The following TRPM6 variants were observed in gnomAD, a reference collection of about 807,000 sequenced individuals.
TRPM6 encodes the protein transient receptor potential cation channel subfamily M member 6, also known as channel kinase 2.
A neutral mutation model predicts 247.6 loss-of-function variants in TRPM6; 111 were observed. The ratio of observed to expected loss-of-function variants is 0.45; its 90% CI spans 0.38 to 0.52. The LOEUF (loss-of-function observed/expected upper bound fraction) is 0.52, where lower values mean the gene tolerates loss of function less well. Ranked by LOEUF, TRPM6 falls within the 20% of genes least tolerant of loss-of-function variation. TRPM6 has a pLI of 0.00. For synonymous variants in TRPM6, 892 were observed against 853.8 expected, an observed-to-expected ratio of 1.04 and a Z score of -0.78; for missense variants, 2,126 against 2,421.5, an observed-to-expected ratio of 0.88 and a Z score of 2.56.
chr9:74,853,264 C>G (rs1830414743), intron 3 of TRPM6, among the ~76,000 whole-genome samples: 1 of 151,154 alleles, frequency 6.6e-6, no homozygotes, highest in Admixed American at 6.6e-5. Flanking sequence ...GCAGCCGCCC[C>G]GTCAGGGAAG....
At chr9:74,837,667 C>A (rs962817711) in intron 5 of TRPM6, among the ~76,000 whole-genome samples, 12 of 151,482 alleles carry the variant, frequency 7.9e-5, no homozygotes, top group Admixed American at 2.0e-4. Context: ...AGGTTGGTCT[C>A]GATCTCCTGA....
intron 19 of TRPM6, among the ~76,000 whole-genome samples, chr9:74,791,199 C>T (rs1564016167): frequency 6.6e-6 from 1 of 152,192 alleles, no homozygotes; most frequent in Non-Finnish European, 1.5e-5. Context: ...TGTTGTTGCG[C>T]ATTACAAAAA....
chr9:74,760,734 C>T (rs1826596699), intron 27 of TRPM6, among the ~76,000 whole-genome samples: 1 of 152,154 alleles, frequency 6.6e-6, no homozygotes, highest in South Asian at 2.1e-4. Flanking sequence ...TTCCAAAACT[C>T]ATGTTAAAAC....
rs1395515692 is a variant in TRPM6 at position 74,764,107 on chromosome 9, G to C, written c.3537-973C>G. 6.9e-5 allele frequency among the ~76,000 whole-genome samples: 10 copies of C among 145,646 alleles called. No homozygotes were observed. The Admixed American group carries it at 7.0e-4, about 10-fold the overall frequency. On this transcript the variant is annotated intron_variant, in intron 25 of 38. Coordinates refer to ENST00000360774, the MANE Select transcript of TRPM6 (RefSeq NM_017662.5). ...CCACTGCACTCCAGCCTGGGCGACA[G>C]AGTAAGACTCCATCTCAAAAAAAAA... is the stretch of plus-strand genomic sequence containing the variant.
At chr9:74,883,812 G>A (rs761322112) in intron 1 of TRPM6, among the ~76,000 whole-genome samples, 7 of 152,122 alleles carry the variant, frequency 4.6e-5, no homozygotes, top group East Asian at 1.9e-4. Flanking sequence ...CAAGACTAGC[G>A]TGGGCAACAT....
intron 27 of TRPM6, among the ~76,000 whole-genome samples, chr9:74,760,920 T>C (rs1434183408): frequency 5.9e-5 from 9 of 152,180 alleles, no homozygotes; most frequent in Admixed American, 5.9e-4. Context: ...TTTGGCTCTC[T>C]CAGGAGCCTC....
At chr9:74,746,910 A>G (rs1587464004) in intron 31 of TRPM6, among the ~76,000 whole-genome samples, 1 of 152,152 alleles carries the variant, frequency 6.6e-6, no homozygotes, top group East Asian at 1.9e-4. Flanking sequence ...AGGAGATTGT[A>G]AATGACTTAA....
At chr9:74,866,265 G>A (rs1054116384) in intron 1 of TRPM6, among the ~76,000 whole-genome samples, 23 of 152,194 alleles carry the variant, frequency 1.5e-4, no homozygotes, top group Non-Finnish European at 2.2e-4. Flanking sequence ...GTATAGCACA[G>A]CACAAAGAAG....
At chr9:74,755,272 G>A (rs1021499332) in intron 28 of TRPM6, 81 bp downstream of exon 28, 8 of 1,432,006 alleles carry the variant, frequency 5.6e-6, no homozygotes, top group Non-Finnish European at 7.8e-6. Flanking sequence ...AGAACAGGAG[G>A]AACCGCCAAT....
chr9:74,785,950 AAT>A lies in TRPM6; in HGVS notation c.2841_2842del (p.Phe948LeufsTer68). On this transcript the variant is annotated frameshift_variant, in exon 21 of 39. Coordinates refer to ENST00000360774, the MANE Select transcript of TRPM6 (RefSeq NM_017662.5). LOFTEE classifies it high-confidence loss of function. ...GAAGTCCAGGAGCCGTGAGAACCAG[AAT>A]ATGATGTCTATGCAGTAGATCAGTC... The A allele has an allele frequency of 6.2e-7, 1 of 1,614,246 alleles. No individual in the cohort carries two copies. Among genetic ancestry groups the A allele is most frequent in the Non-Finnish European group, 8.5e-7 (1 of 1,180,042 alleles).
intron 36 of TRPM6, among the ~76,000 whole-genome samples, chr9:74,734,629 C>A (rs1435877000): frequency 6.6e-6 from 1 of 152,090 alleles, no homozygotes; most frequent in African/African-American, 2.4e-5. Flanking sequence ...AGTGTCTGCC[C>A]CCTAGGAAGC....
rs140655518 is a variant in TRPM6 at position 74,733,663 on chromosome 9, G to C, written c.5777-927C>G. Among the ~76,000 whole-genome samples, 268 of 152,256 alleles carry C rather than the reference G, an allele frequency of 1.8e-3. 2 individuals carry two copies. Among genetic ancestry groups the C allele is most frequent in the African/African-American group, 6.2e-3 (257 of 41,554 alleles). ...CATACATGGTCAAAACAGGATTAAT[G>C]CTGAGCCAAAGTTTGTGTTCCTACT... is the stretch of plus-strand genomic sequence containing the variant. On this transcript the variant is annotated intron_variant, in intron 36 of 38. Coordinates refer to ENST00000360774, the MANE Select transcript of TRPM6 (RefSeq NM_017662.5).
intron 32 of TRPM6, 28 bp downstream of exon 32, chr9:74,744,067 G>A: frequency 1.9e-6 from 3 of 1,608,758 alleles, no homozygotes; most frequent in Non-Finnish European, 2.6e-6. Context: ...TAGCTCAGCT[G>A]ACATGTCTAT....
At chr9:74,828,474 T>C (rs1829428235) in intron 6 of TRPM6, among the ~76,000 whole-genome samples, 1 of 152,106 alleles carries the variant, frequency 6.6e-6, no homozygotes. Flanking sequence ...TATGAATAAC[T>C]AGTAGGCAGC....
chr9:74,865,659 C>T (rs1830824394), intron 1 of TRPM6, among the ~76,000 whole-genome samples: 1 of 152,212 alleles, frequency 6.6e-6, no homozygotes, highest in African/African-American at 2.4e-5. Context: ...TTCATTTATG[C>T]TCCAAATATC....
At position 74,762,499 on chromosome 9, in the gene TRPM6, G is replaced by T. The variant is rs1323458739; in HGVS notation, c.4172C>A (p.Thr1391Asn). ...TGATGCCCAGTCAGAGACAACTGGG[G>T]TCTGCCCAGTCAGATGAACAAGAAC... ...TEVLVHLTGQ[T>N]PVVSDWASVD... Residue 1391 changes from threonine (T) to asparagine (N), a missense_variant, in exon 26 of 39, where the codon ACC (threonine) becomes AAC (asparagine). Transcript: ENST00000360774. The T allele has an allele frequency of 6.2e-7, 1 of 1,614,148 alleles. No homozygotes were observed.
At chr9:74,727,307 G>A (rs934051205) in intron 38 of TRPM6, among the ~76,000 whole-genome samples, 9 of 151,204 alleles carry the variant, frequency 6.0e-5, no homozygotes, top group South Asian at 2.1e-4. Flanking sequence ...GCTTGAACCC[G>A]GTAGGCGGAG....
chr9:74,783,757 A>C (rs1244636765), intron 21 of TRPM6, among the ~76,000 whole-genome samples: 1 of 152,216 alleles, frequency 6.6e-6, no homozygotes, highest in Non-Finnish European at 1.5e-5. Flanking sequence ...CTGGTCTAAG[A>C]GAAAAATGTC....
chr9:74,788,609 C>A lies in TRPM6; in HGVS notation c.2667+5G>T. 2.5e-6 allele frequency: 4 copies of A among 1,613,886 alleles called. No individual in the cohort carries two copies. The highest frequency in any genetic ancestry group is 3.4e-6 in the Non-Finnish European group (4 of 1,179,854). Reference sequence around the variant, plus strand: ...CAGAAGATAAAGGTAGATGGCATAACTCACCTCCCTGACCACCTCAATAGC... The same window carrying A: ...CAGAAGATAAAGGTAGATGGCATAAATCACCTCCCTGACCACCTCAATAGC... On this transcript the variant is annotated splice_donor_5th_base_variant and intron_variant, in intron 20 of 38. Coordinates refer to ENST00000360774, the MANE Select transcript of TRPM6 (RefSeq NM_017662.5).
Sources: gnomAD v4.1 joint callset for allele counts (sites outside exome capture counted in the v4.1 genomes callset) on GRCh38, gnomAD v4.1.1 for gene constraint, MANE v1.5 for transcripts, NCBI Gene and HGNC (gene_info 2026-07-23, HGNC 2026-07-21) for gene names.